SLC14A2: variants seen among roughly 807,000 people sequenced by gnomAD.
SLC14A2 encodes the protein urea transporter 2.
A neutral mutation model predicts 104.6 loss-of-function variants in SLC14A2; 91 were observed. That is an observed-to-expected ratio of 0.87 (90% CI 0.73 to 1.04). SLC14A2 has a LOEUF of 1.04. Ranked by LOEUF, SLC14A2 falls within the 50% of genes least tolerant of loss-of-function variation. The probability of loss-of-function intolerance (pLI) is 0.00; values close to 1 mark genes in which losing one functional copy is unlikely to be tolerated. For missense variants in SLC14A2, 1,189 were observed against 1,156.0 expected (o/e 1.03, Z -0.41); for synonymous variants, 476 against 466.4 (o/e 1.02, Z -0.27).
chr18:45,509,570 T>A (rs571940672), intron 2 of SLC14A2, among the ~76,000 whole-genome samples: 1 of 152,298 alleles, frequency 6.6e-6, no homozygotes, highest in South Asian at 2.1e-4. Context: ...TGTGACAGCA[T>A]TTCAGGTCAT....
intron 1 of SLC14A2, among the ~76,000 whole-genome samples, chr18:45,276,585 A>G (rs1327414821): frequency 6.6e-6 from 1 of 152,230 alleles, no homozygotes; most frequent in East Asian, 1.9e-4. Context: ...ACTGCATGTG[A>G]TTTAATTTTT....
chr18:45,613,484 A>G (rs1294392857), upstream of SLC14A2, among the ~76,000 whole-genome samples: 6 of 152,188 alleles, frequency 3.9e-5, no homozygotes, highest in Non-Finnish European at 7.3e-5. Flanking sequence ...ATAGATAGAA[A>G]GATGTGGGAA....
At chr18:45,547,189 AAAAAAG>A (rs1484448326) in intron 2 of SLC14A2, among the ~76,000 whole-genome samples, 3 of 152,190 alleles carry the variant, frequency 2.0e-5, no homozygotes, top group Non-Finnish European at 4.4e-5. Flanking sequence ...CAAAAGGAAA[AAAAAAG>A]AAAAACTTTT....
intron 1 of SLC14A2, among the ~76,000 whole-genome samples, chr18:45,273,924 G>T (rs112412575): frequency 8.7e-4 from 132 of 152,270 alleles, no homozygotes; most frequent in African/African-American, 3.1e-3. Flanking sequence ...ATTCCATTAT[G>T]CTGTAAATGT....
At chr18:45,346,980 A>AAAATAAAT (rs760123026) in intron 1 of SLC14A2, among the ~76,000 whole-genome samples, 208 of 111,322 alleles carry the variant, frequency 1.9e-3, no homozygotes, top group African/African-American at 8.2e-3. Context: ...AATAAAAATA[A>AAAATAAAT]AAATAAATAA....
chr18:45,497,791 G>A (rs1434841131), intron 2 of SLC14A2, among the ~76,000 whole-genome samples: 1 of 152,194 alleles, frequency 6.6e-6, no homozygotes, highest in African/African-American at 2.4e-5. Context: ...AGCTTGGCAA[G>A]CAGAGAGGAT....
At chr18:45,636,104 C>T (rs1404890697) in intron 5 of SLC14A2, among the ~76,000 whole-genome samples, 2 of 152,228 alleles carry the variant, frequency 1.3e-5, no homozygotes, top group East Asian at 3.8e-4. Context: ...ATGTGAAATA[C>T]TTGTCTCAGC....
chr18:45,372,609 A>G (rs2144357429), intron 1 of SLC14A2, among the ~76,000 whole-genome samples: 1 of 152,276 alleles, frequency 6.6e-6, no homozygotes, highest in South Asian at 2.1e-4. Context: ...ATACAAATCA[A>G]CTGGGGTAAT....
At chr18:45,664,348 A>G (rs1357392897) in intron 11 of SLC14A2, among the ~76,000 whole-genome samples, 1 of 152,224 alleles carries the variant, frequency 6.6e-6, no homozygotes, top group African/African-American at 2.4e-5. Flanking sequence ...GTAGAGACCC[A>G]TGGTGGGGAA....
intron 1 of SLC14A2, among the ~76,000 whole-genome samples, chr18:45,234,756 T>A (rs1311936682): frequency 6.6e-6 from 1 of 152,224 alleles, no homozygotes; most frequent in Non-Finnish European, 1.5e-5. Context: ...TGCCTAGAAG[T>A]TGCCCTGGAG....
chr18:45,675,709 A>ATATATAT (rs57989993), intron 18 of SLC14A2, among the ~76,000 whole-genome samples: 2,314 of 78,466 alleles, frequency 0.029, 67 homozygotes, highest in East Asian at 0.097. Context: ...ATATATATAT[A>ATATATAT]TTTTTTTTTT....
chr18:45,534,742 G>A (rs188347637), intron 2 of SLC14A2, among the ~76,000 whole-genome samples: 57 of 152,190 alleles, frequency 3.7e-4, no homozygotes, highest in Admixed American at 6.5e-4. Flanking sequence ...ATTATAAACC[G>A]AGGAACCTCA....
At chr18:45,605,117 CT>C in intron 2 of SLC14A2, among the ~76,000 whole-genome samples, 1 of 152,158 alleles carries the variant, frequency 6.6e-6, no homozygotes, top group East Asian at 1.9e-4. Context: ...GCTCCAGGGC[CT>C]GCATGAGCAA....
At chr18:45,210,164 G>A (rs2083950185), upstream of SLC14A2, among the ~76,000 whole-genome samples, 1 of 152,172 alleles carries the variant, frequency 6.6e-6, no homozygotes, top group Non-Finnish European at 1.5e-5. Flanking sequence ...AAACATCCAG[G>A]ATAGAATGAG....
At chr18:45,206,232 C>G in the SLC14A2 span, among the ~76,000 whole-genome samples, 214 of 152,296 alleles carry the variant, frequency 1.4e-3, no homozygotes, top group African/African-American at 5.0e-3. Flanking sequence ...AGCTCAGTCA[C>G]TGGAGAACAT....
At chr18:45,238,144 C>T (rs929913541) in intron 1 of SLC14A2, among the ~76,000 whole-genome samples, 15 of 152,290 alleles carry the variant, frequency 9.8e-5, no homozygotes, top group African/African-American at 3.4e-4. Context: ...AGTCCCCAAG[C>T]TACATGTGCT....
rs117819856 is a variant in SLC14A2 at position 45,437,091 on chromosome 18, G to C, written c.-124-46142G>C. Among the ~76,000 whole-genome samples the C allele has an allele frequency of 8.1e-3, 1,231 of 152,356 alleles. 7 individuals are homozygous for C. Among genetic ancestry groups the C allele is most frequent in the Non-Finnish European group, 0.012 (843 of 68,046 alleles). ...CTTCCCACACACACAGGCACGTATA[G>C]ATGTACGCGCTAATGGACGCACGCA... is the stretch of plus-strand genomic sequence containing the variant. On this transcript the variant is annotated intron_variant, in intron 1 of 20. Transcript: ENST00000586448.
intron 2 of SLC14A2, among the ~76,000 whole-genome samples, chr18:45,602,815 T>C (rs1305195827): frequency 6.6e-6 from 1 of 152,250 alleles, no homozygotes; most frequent in Non-Finnish European, 1.5e-5. Flanking sequence ...GATTCAAACA[T>C]TTTGACTGAA....
intron 1 of SLC14A2, among the ~76,000 whole-genome samples, chr18:45,220,213 T>C (rs2143990231): frequency 6.6e-6 from 1 of 152,304 alleles, no homozygotes; most frequent in Non-Finnish European, 1.5e-5. Flanking sequence ...AAAATGCCCC[T>C]GGAAGTGTCA....
Sources: allele counts gnomAD v4.1 joint callset (sites outside exome capture counted in the v4.1 genomes callset), GRCh38; gene constraint gnomAD v4.1.1; transcripts MANE v1.5; gene names NCBI Gene and HGNC (gene_info 2026-07-23, HGNC 2026-07-21).